MNAT1: variants seen among roughly 807,000 people sequenced by gnomAD.
MNAT1 encodes the protein MNAT1 component of CDK activating kinase.
A neutral mutation model predicts 42.0 loss-of-function variants in MNAT1; 43 were observed. The observed-to-expected ratio is 1.02, with a 90% CI of 0.80 to 1.32. The LOEUF (loss-of-function observed/expected upper bound fraction) is 1.32. Ranked by LOEUF, MNAT1 falls within the 40% of genes most tolerant of loss-of-function variation. The pLI is 0.00. For synonymous variants in MNAT1, 118 were observed against 120.0 expected, an observed-to-expected ratio of 0.98 and a Z score of 0.11; for missense variants, 306 against 350.4, an observed-to-expected ratio of 0.87 and a Z score of 1.01.
At chr14:60,893,162 T>A (rs1341133016) in intron 7 of MNAT1, among the ~76,000 whole-genome samples, 3 of 152,122 alleles carry the variant, frequency 2.0e-5, no homozygotes, top group Non-Finnish European at 4.4e-5. Flanking sequence ...GTTTTAAAAG[T>A]TAGGATAATT....
At chr14:60,795,135 A>C (rs1168700488) in intron 1 of MNAT1, among the ~76,000 whole-genome samples, 1 of 152,198 alleles carries the variant, frequency 6.6e-6, no homozygotes, top group Admixed American at 6.5e-5. Flanking sequence ...ACAAATGTTT[A>C]AATATTTATC....
At chr14:60,937,018 T>C (rs2036012974) in intron 7 of MNAT1, among the ~76,000 whole-genome samples, 1 of 151,616 alleles carries the variant, frequency 6.6e-6, no homozygotes. Context: ...GCTGCATAAA[T>C]GTCTTCTTTT....
At chr14:60,756,331 A>G (rs1325754164) in intron 1 of MNAT1, among the ~76,000 whole-genome samples, 1 of 152,192 alleles carries the variant, frequency 6.6e-6, no homozygotes, top group Non-Finnish European at 1.5e-5. Flanking sequence ...ATTTTGGAGT[A>G]TGCTACACTT....
intron 7 of MNAT1, among the ~76,000 whole-genome samples, chr14:60,951,744 A>G (rs749657086): frequency 1.3e-4 from 19 of 151,804 alleles, no homozygotes; most frequent in South Asian, 6.2e-4. Context: ...TGACTCTTTT[A>G]TAAGTGAGGT....
intron 1 of MNAT1, among the ~76,000 whole-genome samples, chr14:60,755,316 G>A (rs938626936): frequency 6.6e-6 from 1 of 152,126 alleles, no homozygotes; most frequent in Non-Finnish European, 1.5e-5. Context: ...GCTACTTTTT[G>A]TATTTTTAGT....
chr14:60,932,993 C>A (rs2035919585), intron 7 of MNAT1, among the ~76,000 whole-genome samples: 1 of 151,958 alleles, frequency 6.6e-6, no homozygotes, highest in South Asian at 2.1e-4. Flanking sequence ...TGCCTGAGTT[C>A]AAATCTTGGC....
chr14:60,854,630 C>A (rs1028234625), intron 6 of MNAT1, among the ~76,000 whole-genome samples: 1 of 152,118 alleles, frequency 6.6e-6, no homozygotes, highest in Admixed American at 6.5e-5. Flanking sequence ...ACCAGTGAAG[C>A]CCGCAGAATA....
At chr14:60,913,601 C>T (rs971295409) in intron 7 of MNAT1, among the ~76,000 whole-genome samples, 22 of 152,130 alleles carry the variant, frequency 1.4e-4, no homozygotes, top group African/African-American at 4.8e-4. Flanking sequence ...ACTCCAGACC[C>T]GGTTTGCCTG....
At chr14:60,756,413 A>G (rs2030351458) in intron 1 of MNAT1, among the ~76,000 whole-genome samples, 1 of 152,210 alleles carries the variant, frequency 6.6e-6, no homozygotes, top group Non-Finnish European at 1.5e-5. Context: ...GAAATTCTGA[A>G]CTTTTATAGA....
rs780186579 is a variant in MNAT1, at chr14:60,879,745, A to G, written c.719A>G (p.Lys240Arg). The G allele has an allele frequency of 6.2e-7, 1 of 1,613,140 alleles. No homozygotes were observed. Among genetic ancestry groups the G allele is most frequent in the Non-Finnish European group, 8.5e-7 (1 of 1,179,356 alleles). The change falls in exon 7 of 8, where the codon AAG becomes AGG. Residue 240 changes from lysine (K) to arginine (R), a missense_variant. Around this residue, in one of 3 missense-constraint regions of MNAT1, gnomAD observed 116 missense variants for 139.6 expected, o/e 0.83. Coordinates refer to ENST00000261245, the MANE Select transcript of MNAT1 (RefSeq NM_002431.4). ...CATATTTCACTGGCACCTATTCACA[A>G]GCTTGAAGAAGCTCTGTATGAATAC... ...GQHISLAPIHKLEEALYEYQP... is the reference protein window; with the variant it reads ...GQHISLAPIHRLEEALYEYQP...
At chr14:60,799,508 G>T in intron 3 of MNAT1, 7 of 644,992 alleles carry the variant, frequency 1.1e-5, no homozygotes, top group Non-Finnish European at 1.3e-5. Context: ...TCAAAAGTCT[G>T]GTCAAGCAAT....
intron 6 of MNAT1, among the ~76,000 whole-genome samples, chr14:60,870,299 A>G (rs1305191845): frequency 2.0e-5 from 3 of 152,172 alleles, no homozygotes; most frequent in Admixed American, 2.0e-4. Flanking sequence ...CTAATTATAT[A>G]TACTACTGAA....
intron 3 of MNAT1, among the ~76,000 whole-genome samples, 194 bp from the exon 4 acceptor site, chr14:60,808,131 T>C (rs1208670564): frequency 2.0e-5 from 3 of 152,134 alleles, no homozygotes; most frequent in African/African-American, 7.2e-5. Flanking sequence ...AGTCTGTCCT[T>C]GTGTTTGGCT....
chr14:60,859,029 C>T (rs961852641), intron 6 of MNAT1, among the ~76,000 whole-genome samples: 1 of 152,138 alleles, frequency 6.6e-6, no homozygotes, highest in African/African-American at 2.4e-5. Context: ...ATTGTGTATA[C>T]TAGAAAGTCT....
intron 7 of MNAT1, among the ~76,000 whole-genome samples, chr14:60,956,765 C>G (rs912937069): frequency 3.3e-5 from 5 of 152,124 alleles, no homozygotes; most frequent in African/African-American, 9.7e-5. Context: ...TTCTTTGTTT[C>G]ATGTGATGGT....
chr14:60,814,227 G>A (rs2032643158), intron 5 of MNAT1, among the ~76,000 whole-genome samples: 1 of 152,104 alleles, frequency 6.6e-6, no homozygotes, highest in Non-Finnish European at 1.5e-5. Flanking sequence ...GAAAGAAATA[G>A]CGGGGTTTTT....
chr14:60,959,889 T>C (rs537856684), intron 7 of MNAT1, among the ~76,000 whole-genome samples: 2 of 151,804 alleles, frequency 1.3e-5, no homozygotes, highest in Non-Finnish European at 2.9e-5. Context: ...GGAACCATGC[T>C]CTTCATATTC....
chr14:60,798,640 G>T (rs1357667868), intron 3 of MNAT1, among the ~76,000 whole-genome samples: 1 of 152,094 alleles, frequency 6.6e-6, no homozygotes, highest in Non-Finnish European at 1.5e-5. Context: ...TATTATTCTG[G>T]AATCAGAGGT....
At chr14:60,760,789 T>C (rs561707755) in intron 1 of MNAT1, among the ~76,000 whole-genome samples, 2 of 152,336 alleles carry the variant, frequency 1.3e-5, no homozygotes, top group East Asian at 3.9e-4. Context: ...TGGTAGAAAG[T>C]ACATTGTGCC....
Sources: allele counts gnomAD v4.1 joint callset (sites outside exome capture counted in the v4.1 genomes callset), GRCh38; gene constraint gnomAD v4.1.1; regional missense constraint gnomAD v4.1.1; transcripts MANE v1.5; gene names NCBI Gene and HGNC (gene_info 2026-07-23, HGNC 2026-07-21).